GALNT13: variants seen among roughly 807,000 people sequenced by gnomAD.
GALNT13 encodes UDP-GalNAc:polypeptide N-acetylgalactosaminyltransferase 13.
In GALNT13, 28 loss-of-function variants were observed where a neutral mutation model predicts 64.2. That is an observed-to-expected ratio of 0.44 (90% CI 0.32 to 0.60). The LOEUF (loss-of-function observed/expected upper bound fraction) is 0.60, where lower values mean the gene tolerates loss of function less well. Ranked by LOEUF, GALNT13 falls within the 20% of genes least tolerant of loss-of-function variation. The pLI is 0.05. For missense variants in GALNT13, 577 were observed against 669.8 expected, an observed-to-expected ratio of 0.86 and a Z score of 1.53; for synonymous variants, 214 against 224.6, an observed-to-expected ratio of 0.95 and a Z score of 0.42.
the GALNT13 span, among the ~76,000 whole-genome samples, chr2:153,073,111 C>T: frequency 2.0e-4 from 31 of 152,114 alleles, no homozygotes; most frequent in African/African-American, 6.5e-4. Flanking sequence ...AAGTAGGTTA[C>T]GCGCTTTGAA....
the GALNT13 span, among the ~76,000 whole-genome samples, chr2:153,608,673 T>C: frequency 3.5e-5 from 5 of 143,222 alleles, no homozygotes; most frequent in Admixed American, 7.0e-5. Context: ...AATATATAAA[T>C]ATATGTCTCA....
chr2:153,844,094 G>A, the GALNT13 span, among the ~76,000 whole-genome samples: 1 of 152,094 alleles, frequency 6.6e-6, no homozygotes, highest in South Asian at 2.1e-4. Context: ...AGCTCCACTA[G>A]GCAGTGCTCC....
the GALNT13 span, among the ~76,000 whole-genome samples, chr2:153,560,069 C>A: frequency 1.3e-5 from 2 of 152,018 alleles, no homozygotes; most frequent in South Asian, 2.1e-4. Context: ...GTTCCTATAG[C>A]CTTTAGACAT....
chr2:153,922,090 C>A (rs1214577429), intron 2 of GALNT13, among the ~76,000 whole-genome samples: 1 of 152,014 alleles, frequency 6.6e-6, no homozygotes, highest in Non-Finnish European at 1.5e-5. Flanking sequence ...ATATCTTTCC[C>A]AGAAATGTGA....
At chr2:153,636,205 T>G in the GALNT13 span, among the ~76,000 whole-genome samples, 2 of 152,172 alleles carry the variant, frequency 1.3e-5, no homozygotes, top group Non-Finnish European at 2.9e-5. Flanking sequence ...CAGTCACATT[T>G]TGAAGGGGAA....
upstream of GALNT13, among the ~76,000 whole-genome samples, chr2:153,869,592 T>G (rs187289252): frequency 6.6e-4 from 100 of 152,344 alleles, no homozygotes; most frequent in Admixed American, 1.6e-3. Context: ...TCTCAGTGCA[T>G]CATATCATGA....
At chr2:153,874,580 G>A (rs1023472268) in intron 1 of GALNT13, among the ~76,000 whole-genome samples, 1 of 152,066 alleles carries the variant, frequency 6.6e-6, no homozygotes, top group Non-Finnish European at 1.5e-5. Flanking sequence ...AGGACAGTGT[G>A]GGGAAACTAG....
chr2:153,877,748 A>G lies in GALNT13; in HGVS notation c.-177+5445A>G, dbSNP rs184076145. ...TAAAGAAAGAAAAATGGAATAAAATATATGTAAAGGTGTATCCATTCCAGC... is the reference window on the plus strand; with the variant it reads ...TAAAGAAAGAAAAATGGAATAAAATGTATGTAAAGGTGTATCCATTCCAGC... On this transcript the variant is annotated intron_variant, in intron 1 of 12. Transcript: ENST00000392825. Among the ~76,000 whole-genome samples the G allele has an allele frequency of 3.5e-3, 532 of 152,272 alleles. 2 individuals carry two copies. The highest frequency in any genetic ancestry group is 0.012 in the African/African-American group (513 of 41,572).
At chr2:154,117,297 A>T (rs916055981) in intron 3 of GALNT13, among the ~76,000 whole-genome samples, 2 of 152,212 alleles carry the variant, frequency 1.3e-5, no homozygotes, top group African/African-American at 4.8e-5. Flanking sequence ...ACACTTAATC[A>T]TCACAAGGTG....
intron 4 of GALNT13, among the ~76,000 whole-genome samples, chr2:154,158,026 C>T (rs1185446189): frequency 6.6e-6 from 1 of 152,088 alleles, no homozygotes; most frequent in Non-Finnish European, 1.5e-5. Flanking sequence ...AATGAGCTGG[C>T]TGATTTTCTG....
At chr2:153,183,736 C>CA in the GALNT13 span, among the ~76,000 whole-genome samples, 28 of 152,286 alleles carry the variant, frequency 1.8e-4, no homozygotes, top group African/African-American at 6.5e-4. Context: ...GTCTCTCCCC[C>CA]ATTGCTTGTT....
chr2:154,205,693 G>A (rs957753003), intron 4 of GALNT13, among the ~76,000 whole-genome samples: 2 of 152,200 alleles, frequency 1.3e-5, no homozygotes, highest in African/African-American at 2.4e-5. Context: ...ATGCTGGCAG[G>A]CAAAGAGAGA....
At chr2:154,373,514 C>A (rs1158050541) in intron 9 of GALNT13, among the ~76,000 whole-genome samples, 1 of 152,024 alleles carries the variant, frequency 6.6e-6, no homozygotes, top group Non-Finnish European at 1.5e-5. Context: ...AAAATGTTGT[C>A]CAAAAAGATA....
intron 3 of GALNT13, among the ~76,000 whole-genome samples, chr2:153,993,854 C>T (rs1433173685): frequency 6.6e-6 from 1 of 152,048 alleles, no homozygotes; most frequent in Non-Finnish European, 1.5e-5. Context: ...GCTTCAAGTA[C>T]TTAGATCGTT....
At chr2:154,050,957 A>C (rs1039207294) in intron 3 of GALNT13, among the ~76,000 whole-genome samples, 12 of 152,200 alleles carry the variant, frequency 7.9e-5, no homozygotes, top group Admixed American at 2.0e-4. Flanking sequence ...TAGCGCATAC[A>C]CAATACTTGA....
chr2:153,886,161 A>T (rs1253856818), intron 1 of GALNT13, among the ~76,000 whole-genome samples: 1 of 149,394 alleles, frequency 6.7e-6, no homozygotes, highest in Non-Finnish European at 1.5e-5. Context: ...GTATAAAAGG[A>T]TAGGGGATTC....
the GALNT13 span, among the ~76,000 whole-genome samples, chr2:153,139,292 C>T: frequency 1.2e-3 from 175 of 152,138 alleles, 4 homozygotes; most frequent in South Asian, 0.018. Flanking sequence ...TCATGATTGG[C>T]TTTTAAATCC....
the GALNT13 span, among the ~76,000 whole-genome samples, chr2:153,844,981 T>G: frequency 6.6e-6 from 1 of 152,224 alleles, no homozygotes; most frequent in East Asian, 1.9e-4. Context: ...TGGATTTTAC[T>G]GACAATGTTA....
the GALNT13 span, among the ~76,000 whole-genome samples, chr2:153,404,163 A>C: frequency 7.9e-5 from 12 of 152,288 alleles, no homozygotes; most frequent in African/African-American, 2.9e-4. Context: ...GTCCGAGGTG[A>C]TAGATGGCAA....
Sources: gnomAD v4.1 joint callset for allele counts (sites outside exome capture counted in the v4.1 genomes callset) on GRCh38, gnomAD v4.1.1 for gene constraint, MANE v1.5 for transcripts, NCBI Gene and HGNC (gene_info 2026-07-23, HGNC 2026-07-21) for gene names.